The following ARID4A variants were observed in gnomAD, a reference collection of about 807,000 sequenced individuals.
ARID4A encodes AT-rich interactive domain-containing protein 4A.
ARID4A carries 39 observed loss-of-function variants against 148.6 expected under a neutral mutation model. That is an observed-to-expected ratio of 0.26 (90% CI 0.20 to 0.34). ARID4A has a LOEUF of 0.34. Among genes scored for constraint, ARID4A ranks in the 10% least tolerant of loss-of-function variants. The pLI is 1.00. For missense variants in ARID4A, 1,265 were observed against 1,449.1 expected, an observed-to-expected ratio of 0.87 and a Z score of 2.06; for synonymous variants, 475 against 481.2, an observed-to-expected ratio of 0.99 and a Z score of 0.17.
At chr14:58,299,748 C>A in intron 1 of ARID4A, 50 bp from the exon 2 acceptor site, 1 of 1,514,240 alleles carries the variant, frequency 6.6e-7, no homozygotes, top group Non-Finnish European at 9.2e-7. Flanking sequence ...CTTGGTCGCT[C>A]CCCGCAGTTG....
intron 23 of ARID4A, among the ~76,000 whole-genome samples, chr14:58,368,259 T>C (rs1302917765): frequency 6.6e-6 from 1 of 152,246 alleles, no homozygotes; most frequent in Non-Finnish European, 1.5e-5. Flanking sequence ...TCCTCTTGGC[T>C]TCCTGAAAGC....
Position 58,359,060 on chromosome 14 carries a change from G to A in ARID4A, c.1854-72G>A. 3.4e-6 allele frequency: 5 copies of A among 1,450,996 alleles called. No individual in the cohort carries two copies. In the South Asian group the frequency reaches 4.0e-5, roughly 11 times the overall value. 89.9% of individuals were successfully genotyped at this position (1,450,996 alleles called of 1,614,324 possible). A position where few individuals can be genotyped will look rare whatever the true frequency, so the allele number is the denominator to read the frequency against. On this transcript the variant is annotated intron_variant, in intron 17 of 23. Transcript: ENST00000355431. ...TCTGTCTCACTGTTGTTTTCGTTTGGTGAATACATTTCAAAAAGGTTATAA... is the reference window on the plus strand; with the variant it reads ...TCTGTCTCACTGTTGTTTTCGTTTGATGAATACATTTCAAAAAGGTTATAA...
At chr14:58,321,192 A>C (rs2032864898) in intron 7 of ARID4A, among the ~76,000 whole-genome samples, 1 of 152,150 alleles carries the variant, frequency 6.6e-6, no homozygotes, top group East Asian at 1.9e-4. Flanking sequence ...AGACTATTTA[A>C]ATATTCTAGT....
intron 5 of ARID4A, among the ~76,000 whole-genome samples, chr14:58,311,975 C>A (rs752732731): frequency 1.3e-5 from 2 of 151,994 alleles, no homozygotes; most frequent in African/African-American, 2.4e-5. Flanking sequence ...TTAAATGATA[C>A]AAAATTTCAG....
In ARID4A at chr14:58,365,053, T is replaced by C. The variant is rs1594967209; in HGVS notation, c.2964T>C (p.Leu988=). Residue 988 remains leucine, a synonymous_variant, in exon 20 of 24, where the codon CTT becomes CTC. Transcript: ENST00000355431. ...VAVESSESNS[L]VSIPPALPPV... is the part of the protein sequence containing the mutation. ...TTGAAAGCTCTGAGTCTAACTCTCT[T>C]GTTTCTATTCCACCTGCCCTACCTC... is the stretch of plus-strand genomic sequence containing the variant. 1 of 1,614,170 alleles carries C rather than the reference T, an allele frequency of 6.2e-7. No individual in the cohort carries two copies. The highest frequency in any genetic ancestry group is 2.2e-5 in the East Asian group (1 of 44,886).
intron 18 of ARID4A, among the ~76,000 whole-genome samples, chr14:58,359,484 C>T (rs1880055655): frequency 6.6e-6 from 1 of 152,118 alleles, no homozygotes; most frequent in African/African-American, 2.4e-5. Flanking sequence ...TTAGGGTTCA[C>T]TGTTGGTGTT....
rs375161226 is a variant in ARID4A, at chr14:58,352,829, A to T, written c.1656-829A>T. Among the ~76,000 whole-genome samples, 36 of 152,248 alleles carry T rather than the reference A, an allele frequency of 2.4e-4. 1 individual carries two copies. In the South Asian group the frequency reaches 4.8e-3, roughly 20 times the overall value. On this transcript the variant is annotated intron_variant, in intron 16 of 23. Coordinates refer to ENST00000355431, the MANE Select transcript of ARID4A (RefSeq NM_002892.4). ...TAAGTCTTTACAGGATTGATACACA[A>T]TATTTTATTATAAAAATATTAAAAG...
chr14:58,344,631 TAAAAG>T (rs1594932718), intron 11 of ARID4A, 59 bp from the exon 12 acceptor site: 2 of 1,214,082 alleles, frequency 1.6e-6, no homozygotes, highest in Non-Finnish European at 2.3e-6. Context: ...TTCACAAAAA[TAAAAG>T]AAGACATGTA....
rs1052852006 is a variant in ARID4A at position 58,298,631 on chromosome 14, G to T, written c.-127G>T. ...CCGCGGCTGGGAGTGGTGCTGCCCG[G>T]ACGGGGGCCCACGGAGGTCAGAGGG... On this transcript the variant is annotated 5_prime_UTR_variant, in exon 1 of 24. Coordinates refer to ENST00000355431, the MANE Select transcript of ARID4A (RefSeq NM_002892.4). 1 of 152,768 alleles carries T rather than the reference G, an allele frequency of 6.5e-6. No homozygotes were observed. Among genetic ancestry groups the T allele is most frequent in the Non-Finnish European group, 1.5e-5 (1 of 68,148 alleles). 9.5% of individuals were successfully genotyped at this position (152,768 alleles called of 1,614,324 possible).
At chr14:58,341,149 G>A (rs1420999894) in intron 11 of ARID4A, among the ~76,000 whole-genome samples, 1 of 152,040 alleles carries the variant, frequency 6.6e-6, no homozygotes, top group African/African-American at 2.4e-5. Flanking sequence ...GACTAATTCA[G>A]GCATGCGTTC....
chr14:58,323,638 G>C (rs774956865), intron 8 of ARID4A, 21 bp downstream of exon 8: 20 of 1,586,808 alleles, frequency 1.3e-5, no homozygotes, highest in Non-Finnish European at 1.6e-5. Flanking sequence ...TTTCTTTGCA[G>C]AGTTAATCAG....
chr14:58,332,155 G>A (rs977554425), intron 11 of ARID4A, among the ~76,000 whole-genome samples: 4 of 152,046 alleles, frequency 2.6e-5, no homozygotes, highest in Admixed American at 6.6e-5. Flanking sequence ...CAAGCTGTGA[G>A]TATACGTTAG....
chr14:58,328,716 C>T (rs1051308616), intron 9 of ARID4A, among the ~76,000 whole-genome samples: 3 of 151,994 alleles, frequency 2.0e-5, no homozygotes, highest in Non-Finnish European at 2.9e-5. Flanking sequence ...ACTTTTGGGC[C>T]GGGCGCAGTT....
intron 12 of ARID4A, among the ~76,000 whole-genome samples, chr14:58,345,528 T>C (rs1199314171): frequency 6.6e-6 from 1 of 152,118 alleles, no homozygotes; most frequent in African/African-American, 2.4e-5. Context: ...AGAACAATTA[T>C]AAACCATCAT....
intron 2 of ARID4A, 46 bp from the exon 3 acceptor site, chr14:58,301,534 G>C (rs750850339): frequency 1.2e-5 from 16 of 1,366,710 alleles, no homozygotes; most frequent in Middle Eastern, 1.8e-4. Context: ...GGTTGGAGTA[G>C]GGAGGCATAG....
At chr14:58,359,304 T>C (rs2035029252) in intron 18 of ARID4A, 88 bp downstream of exon 18, 1 of 1,305,290 alleles carries the variant, frequency 7.7e-7, no homozygotes, top group East Asian at 2.4e-5. Flanking sequence ...AGAACAGTTT[T>C]AGGTTTATAC....
chr14:58,350,950 G>T, intron 15 of ARID4A, 123 bp from the exon 16 acceptor site: 1 of 867,404 alleles, frequency 1.2e-6, no homozygotes, highest in Non-Finnish European at 1.7e-6. Flanking sequence ...CCTTTGAGTT[G>T]GTTTTCAGGG....
chr14:58,298,573 G>C lies in ARID4A; in HGVS notation c.-185G>C, dbSNP rs796933373. 12 of 153,120 alleles carry C rather than the reference G, an allele frequency of 7.8e-5. No individual in the cohort carries two copies. The highest frequency in any genetic ancestry group is 2.9e-4 in the African/African-American group (12 of 41,566). The allele number at this position is 153,120 out of a possible 1,614,324, so 9.5% of individuals were successfully genotyped here. A position where few individuals can be genotyped will look rare whatever the true frequency, so the allele number is the denominator to read the frequency against. ...TTTGGTGGATTGTGGCAGTAAATCG[G>C]GGCGAGTGGGGAACCCGGCGCAGGA... On this transcript the variant is annotated 5_prime_UTR_variant, in exon 1 of 24. Transcript: ENST00000355431.
chr14:58,351,404 T>G, intron 16 of ARID4A, 81 bp downstream of exon 16: 1 of 1,513,156 alleles, frequency 6.6e-7, no homozygotes, highest in Non-Finnish European at 8.8e-7. Flanking sequence ...GATTCAGGTT[T>G]GAGGGAATGT....
Sources: gnomAD v4.1 joint callset for allele counts (sites outside exome capture counted in the v4.1 genomes callset) on GRCh38, gnomAD v4.1.1 for gene constraint, MANE v1.5 for transcripts, NCBI Gene and HGNC (gene_info 2026-07-23, HGNC 2026-07-21) for gene names.